ROR1: variants seen among roughly 807,000 people sequenced by gnomAD.
ROR1 encodes inactive tyrosine-protein kinase transmembrane receptor ROR1.
In ROR1, 19 loss-of-function variants were observed where a neutral mutation model predicts 78.8. The ratio of observed to expected loss-of-function variants is 0.24; its 90% CI spans 0.17 to 0.35. The LOEUF (loss-of-function observed/expected upper bound fraction) is 0.35, where lower values mean the gene tolerates loss of function less well. ROR1 is among the 10% of genes least tolerant of loss of function. The pLI is 1.00. For missense variants in ROR1, 917 were observed against 1,177.8 expected (o/e 0.78, Z 3.24); for synonymous variants, 386 against 433.6 (o/e 0.89, Z 1.36).
intron 1 of ROR1, among the ~76,000 whole-genome samples, chr1:63,817,287 A>G (rs530775815): frequency 6.6e-6 from 1 of 152,242 alleles, no homozygotes; most frequent in East Asian, 1.9e-4. Context: ...TCTTATCTAC[A>G]AGAAGGGTAT....
intron 1 of ROR1, among the ~76,000 whole-genome samples, chr1:63,793,083 T>C (rs910594547): frequency 6.6e-6 from 1 of 152,252 alleles, no homozygotes; most frequent in Non-Finnish European, 1.5e-5. Flanking sequence ...CAAATAGTGC[T>C]GCCCTTTAAA....
rs1236995991 is a variant in ROR1 at position 64,178,857 on chromosome 1, A to G, written c.*2A>G. 2 of 1,606,144 alleles carry G rather than the reference A, an allele frequency of 1.2e-6. No homozygotes were observed. Among genetic ancestry groups the G allele is most frequent in the Non-Finnish European group, 1.7e-6 (2 of 1,174,838 alleles). ...TCTATGATTTCTGCAGAACTGTAAA[A>G]TGCACAACTTTTGTAAATGTGGTAT... On this transcript the variant is annotated 3_prime_UTR_variant, in exon 9 of 9. Transcript: ENST00000371079. This position sits in a 1 kb window ranked among gnomAD's most constrained non-coding sequence, Gnocchi z 4.3.
At chr1:63,942,103 C>T (rs532289410) in intron 1 of ROR1, among the ~76,000 whole-genome samples, 13 of 152,300 alleles carry the variant, frequency 8.5e-5, no homozygotes, top group Admixed American at 5.9e-4. Flanking sequence ...CTGCCTGGCA[C>T]GGTCTGGTGC....
chr1:64,010,366 C>CTTTTTTT (rs74685806), intron 2 of ROR1, among the ~76,000 whole-genome samples: 3,843 of 141,764 alleles, frequency 0.027, 208 homozygotes, highest in African/African-American at 0.096. Context: ...TTCTATCTTA[C>CTTTTTTT]TTTTTTTTTT....
intron 4 of ROR1, among the ~76,000 whole-genome samples, chr1:64,131,484 G>T (rs186075866): frequency 7.2e-4 from 109 of 152,142 alleles, no homozygotes; most frequent in African/African-American, 2.5e-3. Context: ...CCACCTTGAG[G>T]CCTGAATTTG....
chr1:63,921,018 A>G (rs1472919095), intron 1 of ROR1, among the ~76,000 whole-genome samples: 1 of 152,194 alleles, frequency 6.6e-6, no homozygotes, highest in African/African-American at 2.4e-5. Context: ...AAGGGTGATG[A>G]ACAGACCCTA....
chr1:63,892,807 T>A (rs1645408340), intron 1 of ROR1, among the ~76,000 whole-genome samples: 1 of 152,110 alleles, frequency 6.6e-6, no homozygotes, highest in South Asian at 2.1e-4. Flanking sequence ...CCCTTCTAGC[T>A]ATGCAGTCTG....
chr1:64,081,221 C>T (rs1647098958), intron 4 of ROR1, among the ~76,000 whole-genome samples: 1 of 152,166 alleles, frequency 6.6e-6, no homozygotes, highest in African/African-American at 2.4e-5. Flanking sequence ...ATCATTCAAA[C>T]TCTTAGAACC....
At chr1:63,916,333 A>T (rs1645609618) in intron 1 of ROR1, among the ~76,000 whole-genome samples, 1 of 152,206 alleles carries the variant, frequency 6.6e-6, no homozygotes. Context: ...ACCAAGTGGC[A>T]CATACTTGTG....
chr1:63,910,278 A>G (rs1037485252), intron 1 of ROR1, among the ~76,000 whole-genome samples: 2 of 152,226 alleles, frequency 1.3e-5, no homozygotes, highest in Non-Finnish European at 2.9e-5. Context: ...AATAAATGCT[A>G]GAAAAATGAT....
chr1:63,997,592 G>T (rs932258849), intron 1 of ROR1, among the ~76,000 whole-genome samples: 2 of 152,050 alleles, frequency 1.3e-5, no homozygotes, highest in Non-Finnish European at 2.9e-5. Context: ...AAAGCTTTTT[G>T]TGTTTTTCAG....
chr1:63,918,083 G>A (rs2100425068), intron 1 of ROR1, among the ~76,000 whole-genome samples: 2 of 152,332 alleles, frequency 1.3e-5, no homozygotes, highest in Admixed American at 1.3e-4. Flanking sequence ...TTGAGGCCAT[G>A]CTTGTTGTTA....
chr1:64,162,232 C>T (rs953671366), intron 8 of ROR1, among the ~76,000 whole-genome samples: 2 of 152,148 alleles, frequency 1.3e-5, no homozygotes, highest in African/African-American at 4.8e-5. Flanking sequence ...AATGAATGTG[C>T]CCTTCAGGGT....
chr1:63,826,475 T>C (rs1644954221), intron 1 of ROR1, among the ~76,000 whole-genome samples: 1 of 152,226 alleles, frequency 6.6e-6, no homozygotes, highest in Non-Finnish European at 1.5e-5. Context: ...TACCACATTT[T>C]CTTTATCTAG....
chr1:64,026,178 C>T (rs564182400), intron 2 of ROR1, among the ~76,000 whole-genome samples: 2 of 152,294 alleles, frequency 1.3e-5, no homozygotes, highest in East Asian at 3.9e-4. Context: ...ATTCCCTCTT[C>T]TGCTCAGAAA....
intron 1 of ROR1, among the ~76,000 whole-genome samples, chr1:63,982,082 T>C (rs1646214820): frequency 6.6e-6 from 1 of 152,190 alleles, no homozygotes; most frequent in Non-Finnish European, 1.5e-5. Context: ...TTTATGTAGA[T>C]GATCTCATTT....
At chr1:63,826,944 A>C (rs894404467) in intron 1 of ROR1, among the ~76,000 whole-genome samples, 2 of 151,948 alleles carry the variant, frequency 1.3e-5, no homozygotes, top group African/African-American at 4.8e-5. Flanking sequence ...CACATGATAG[A>C]CTGGATAAAA....
At chr1:64,064,208 T>A (rs1341496115) in intron 4 of ROR1, among the ~76,000 whole-genome samples, 1 of 151,898 alleles carries the variant, frequency 6.6e-6, no homozygotes, top group Non-Finnish European at 1.5e-5. Context: ...TACACTTAGG[T>A]TGGAGGGAAA....
At chr1:63,832,866 C>T (rs1046118501) in intron 1 of ROR1, among the ~76,000 whole-genome samples, 2 of 152,212 alleles carry the variant, frequency 1.3e-5, no homozygotes, top group African/African-American at 4.8e-5. Flanking sequence ...AAACATCTAC[C>T]AGCTCCTCAG....
Sources: allele counts gnomAD v4.1 joint callset (sites outside exome capture counted in the v4.1 genomes callset), GRCh38; gene constraint gnomAD v4.1.1; non-coding constraint Gnocchi (gnomAD v3.1); transcripts MANE v1.5; gene names NCBI Gene and HGNC (gene_info 2026-07-23, HGNC 2026-07-21).